The following RNF139 variants were observed in gnomAD, a reference collection of about 807,000 sequenced individuals.
RNF139 encodes E3 ubiquitin-protein ligase RNF139.
Under a neutral mutation model 49.5 loss-of-function variants are expected in RNF139, and 15 were observed. The ratio of observed to expected loss-of-function variants is 0.30; its 90% confidence interval spans 0.20 to 0.47. RNF139 has a LOEUF of 0.47. Among genes scored for constraint, RNF139 ranks in the 20% least tolerant of loss-of-function variants. The pLI is 1.00. For missense variants in RNF139, 619 were observed against 806.3 expected (o/e 0.77, Z 2.81); for synonymous variants, 325 against 300.9 (o/e 1.08, Z -0.83).
At chr8:124,483,529 G>A (rs1816484736) in intron 1 of RNF139, 1 of 152,070 alleles carries the variant, frequency 6.6e-6, no homozygotes, top group Non-Finnish European at 1.5e-5. Flanking sequence ...ATGCCTCCCG[G>A]GTTCAAGCGA....
chr8:124,482,957 T>TATATATATATTATTTA (rs1398391529), intron 1 of RNF139, among the ~76,000 whole-genome samples: 1 of 90,388 alleles, frequency 1.1e-5, no homozygotes, highest in Non-Finnish European at 2.1e-5. Flanking sequence ...TATATATATA[T>TATATATATATTATTTA]AATATATATA....
rs13264071 is a variant in RNF139, at chr8:124,488,277, A to G, written c.*633A>G. Reference sequence around the variant, plus strand: ...TTTGATATAAACCAGAATGTGCTAAATGTTTTTTATGTAAAATTGTATATT... The same window carrying G: ...TTTGATATAAACCAGAATGTGCTAAGTGTTTTTTATGTAAAATTGTATATT... On this transcript the variant is annotated 3_prime_UTR_variant, in exon 2 of 2. Transcript: ENST00000303545. Among the ~76,000 whole-genome samples the G allele has an allele frequency of 0.14, 21,454 of 152,176 alleles. 1,685 individuals are homozygous for G. The highest frequency in any genetic ancestry group is 0.2 in the African/African-American group (8,141 of 41,500).
chr8:124,484,426 G>A (rs1015196684), intron 1 of RNF139, among the ~76,000 whole-genome samples: 2 of 152,184 alleles, frequency 1.3e-5, no homozygotes, highest in African/African-American at 4.8e-5. Context: ...ATTGATTGGT[G>A]TCACAGAAAA....
chr8:124,483,121 T>TATTTAAATATA (rs1816477449), intron 1 of RNF139, among the ~76,000 whole-genome samples: 1 of 111,088 alleles, frequency 9.0e-6, no homozygotes, highest in African/African-American at 3.5e-5. Context: ...AAAATATATA[T>TATTTAAATATA]ATTTAAAAGA....
At position 124,475,257 on chromosome 8, in the gene RNF139, T is replaced by A. The variant is rs145520695; in HGVS notation, c.148T>A (p.Cys50Ser). ...CCCGGATTCCAGCCAAAGCCGGTTC[T>A]GCATCGTGCTCCAGATCTTCCTCCG... Reference protein sequence around the residue: ...SYPDSSQSRFCIVLQIFLRLF... With the variant: ...SYPDSSQSRFSIVLQIFLRLF... Residue 50 changes from cysteine to serine, a missense_variant, in exon 1 of 2, where the codon TGC (cysteine) becomes AGC (serine). Transcript: ENST00000303545. 9.2e-5 allele frequency: 149 copies of A among 1,613,418 alleles called. No homozygotes were observed. Among genetic ancestry groups the A allele is most frequent in the Middle Eastern group, 1.6e-4 (1 of 6,080 alleles).
In RNF139 at chr8:124,486,623, T is replaced by G. The variant is rs1467161587; in HGVS notation, c.974T>G (p.Phe325Cys). 1 of 1,614,058 alleles carries G rather than the reference T, an allele frequency of 6.2e-7. No homozygotes were observed. Among genetic ancestry groups the G allele is most frequent in the Non-Finnish European group, 8.5e-7 (1 of 1,180,028 alleles). ...GAGGAAGATGACAGGCGTCTTGGCT[T>G]TGTTGCACCTGTTTTATTTTTTATT... ...STEEDDRRLGFVAPVLFFILA... is the reference protein window; with the variant it reads ...STEEDDRRLGCVAPVLFFILA... Residue 325 changes from phenylalanine (F) to cysteine (C), a missense_variant, in exon 2 of 2, where the codon TTT (phenylalanine) becomes TGT (cysteine). Phe to Cys is a radical substitution (Grantham distance 205). Transcript: ENST00000303545.
chr8:124,486,775 A>T lies in RNF139; in HGVS notation c.1126A>T (p.Met376Leu). The T allele has an allele frequency of 1.2e-6, 2 of 1,613,830 alleles. No homozygotes were observed. The highest frequency in any genetic ancestry group is 1.7e-6 in the Non-Finnish European group (2 of 1,179,940). The change falls in exon 2 of 2, where the codon ATG becomes TTG. Residue 376 changes from methionine (M) to leucine (L), a missense_variant. Coordinates refer to ENST00000303545, the MANE Select transcript of RNF139 (RefSeq NM_007218.4). The part of the protein sequence containing the change: ...FIHGMTDPVL[M>L]SLSASHVSSF... ...CCATGGAATGACAGACCCTGTATTA[A>T]TGTCTCTCAGTGCCTCTCATGTGTC...
rs772672763 is a variant in RNF139, at chr8:124,486,869, G to A, written c.1220G>A (p.Ser407Asn). The change falls in exon 2 of 2, where the codon AGT becomes AAT. Residue 407 changes from serine to asparagine, a missense_variant. Around this residue, in one of 2 missense-constraint regions of RNF139, gnomAD observed 530 missense variants for 728.9 expected, o/e 0.73. Coordinates refer to ENST00000303545, the MANE Select transcript of RNF139 (RefSeq NM_007218.4). The stretch of plus-strand genomic sequence containing the variant: ...CTGTTTATTCTTCCTGTCTTACTCA[G>A]TTATGTTCTTTGGCATCACTATGCA... Reference protein sequence around the residue: ...ACLFILPVLLSYVLWHHYALN... With the variant: ...ACLFILPVLLNYVLWHHYALN... 1 of 1,613,690 alleles carries A rather than the reference G, an allele frequency of 6.2e-7. No individual in the cohort carries two copies. Among genetic ancestry groups the A allele is most frequent in the African/African-American group, 1.3e-5 (1 of 74,844 alleles).
intron 1 of RNF139, among the ~76,000 whole-genome samples, chr8:124,476,858 A>G (rs905390778): frequency 6.6e-6 from 1 of 152,188 alleles, no homozygotes; most frequent in Non-Finnish European, 1.5e-5. Flanking sequence ...GAAAAGAAGT[A>G]TTTTCTTTAA....
chr8:124,483,055 ATTAAAAATATATATATAT>A (rs1563631280), intron 1 of RNF139, among the ~76,000 whole-genome samples: 1 of 8,390 alleles, frequency 1.2e-4, no homozygotes, highest in Non-Finnish European at 2.1e-4. Context: ...AAATATATCT[ATTAAAAATATATATATAT>A]TATTTAAATA....
chr8:124,487,449 T>C lies in RNF139; in HGVS notation c.1800T>C (p.Asn600=). 1.2e-6 allele frequency: 2 copies of C among 1,614,058 alleles called. No homozygotes were observed. Among genetic ancestry groups the C allele is most frequent in the Non-Finnish European group, 1.7e-6 (2 of 1,179,942 alleles). Residue 600 remains asparagine, a synonymous_variant, in exon 2 of 2, where the codon AAT becomes AAC. Coordinates refer to ENST00000303545, the MANE Select transcript of RNF139 (RefSeq NM_007218.4). The part of the protein sequence containing the change: ...YIEDDIKDNS[N]VSNNNGFIPP... ...AAGATGATATCAAGGATAATTCAAATGTATCTAACAACAATGGATTTATTC... is the reference window on the plus strand; with the variant it reads ...AAGATGATATCAAGGATAATTCAAACGTATCTAACAACAATGGATTTATTC...
rs1816568922 is a variant in RNF139, at chr8:124,487,880, GT to G, written c.*240del. ...TACATTATTGTACATAGAATAAAAT[GT>G]TTTCACATTTTTATGACAAAATTTG... is the stretch of plus-strand genomic sequence containing the variant. On this transcript the variant is annotated 3_prime_UTR_variant, in exon 2 of 2. Transcript: ENST00000303545. 2.5e-6 allele frequency: 1 copy of G among 399,844 alleles called. No individual in the cohort carries two copies. Among genetic ancestry groups the G allele is most frequent in the African/African-American group, 2.0e-5 (1 of 48,868 alleles). 24.8% of individuals were successfully genotyped at this position (399,844 alleles called of 1,614,324 possible). A position where few individuals can be genotyped will look rare whatever the true frequency, so the allele number is the denominator to read the frequency against.
intron 1 of RNF139, among the ~76,000 whole-genome samples, chr8:124,485,138 C>T (rs1474290970): frequency 4.6e-5 from 7 of 152,004 alleles, no homozygotes; most frequent in African/African-American, 1.4e-4. Flanking sequence ...GCAAGGCGGG[C>T]GGATCACTTG....
At chr8:124,485,547 A>C (rs1031468709) in intron 1 of RNF139, among the ~76,000 whole-genome samples, 2 of 152,170 alleles carry the variant, frequency 1.3e-5, no homozygotes, top group African/African-American at 2.4e-5. Context: ...AAAATAATTT[A>C]GTAATTTGGT....
At chr8:124,483,752 T>C (rs1816487981) in intron 1 of RNF139, among the ~76,000 whole-genome samples, 1 of 151,972 alleles carries the variant, frequency 6.6e-6, no homozygotes, top group Non-Finnish European at 1.5e-5. Flanking sequence ...TAATTTGGAG[T>C]TTGTCACTTT....
At position 124,487,686 on chromosome 8, in the gene RNF139, T is replaced by A. The variant is rs776161836; in HGVS notation, c.*42T>A. The A allele has an allele frequency of 6.5e-7, 1 of 1,539,716 alleles. No homozygotes were observed. The highest frequency in any genetic ancestry group is 8.7e-7 in the Non-Finnish European group (1 of 1,146,194). ...TAATGATTGAGGTATTTGTTTAAAA[T>A]TCAGTTCATCCAAAATGGAGTAATA... On this transcript the variant is annotated 3_prime_UTR_variant, in exon 2 of 2. Transcript: ENST00000303545.
intron 1 of RNF139, among the ~76,000 whole-genome samples, chr8:124,479,249 G>A (rs1816365760): frequency 6.6e-6 from 1 of 152,104 alleles, no homozygotes; most frequent in Non-Finnish European, 1.5e-5. Context: ...TACAACTTTT[G>A]ACTCACAATT....
intron 1 of RNF139, among the ~76,000 whole-genome samples, chr8:124,482,224 T>C (rs760009793): frequency 6.6e-6 from 1 of 152,166 alleles, no homozygotes; most frequent in Non-Finnish European, 1.5e-5. Context: ...AAATGGCACT[T>C]TTTCACTAGA....
chr8:124,486,800 C>T lies in RNF139; in HGVS notation c.1151C>T (p.Ser384Leu), dbSNP rs762658176. Residue 384 changes from serine to leucine, a missense_variant, in exon 2 of 2, where the codon TCA (serine) becomes TTA (leucine). Ser to Leu is a moderately radical substitution (Grantham distance 145). Coordinates refer to ENST00000303545, the MANE Select transcript of RNF139 (RefSeq NM_007218.4). ...VLMSLSASHV[S>L]SFRRHFPVLF... ...ATGTCTCTCAGTGCCTCTCATGTGTCATCTTTTCGTAGACATTTTCCTGTG... is the reference window on the plus strand; with the variant it reads ...ATGTCTCTCAGTGCCTCTCATGTGTTATCTTTTCGTAGACATTTTCCTGTG... 6.2e-7 allele frequency: 1 copy of T among 1,613,914 alleles called. No homozygotes were observed. Among genetic ancestry groups the T allele is most frequent in the Non-Finnish European group, 8.5e-7 (1 of 1,179,996 alleles).
Sources: allele counts gnomAD v4.1 joint callset (sites outside exome capture counted in the v4.1 genomes callset), GRCh38; gene constraint gnomAD v4.1.1; regional missense constraint gnomAD v4.1.1; transcripts MANE v1.5; gene names NCBI Gene and HGNC (gene_info 2026-07-23, HGNC 2026-07-21).